The following IQCJ variants were observed in gnomAD, a reference collection of about 807,000 sequenced individuals.
The protein encoded by IQCJ is IQ motif containing J, also known as IQ domain-containing protein J.
In IQCJ, 9 loss-of-function variants were observed where a neutral mutation model predicts 11.0. That is an observed-to-expected ratio of 0.82 (90% CI 0.49 to 1.43). IQCJ has a LOEUF of 1.43. IQCJ is among the 40% of genes most tolerant of loss of function. IQCJ has a pLI of 0.00. For synonymous variants in IQCJ, 55 were observed against 51.3 expected (o/e 1.07, Z -0.31); for missense variants, 146 against 133.2 (o/e 1.10, Z -0.47).
chr3:159,232,943 T>G (rs142224649), intron 1 of IQCJ, among the ~76,000 whole-genome samples: 1 of 152,284 alleles, frequency 6.6e-6, no homozygotes, highest in East Asian at 1.9e-4. Context: ...CTGGGACAGA[T>G]AGGACTTAAC....
At chr3:159,159,579 T>C (rs1721718390) in intron 1 of IQCJ, among the ~76,000 whole-genome samples, 1 of 152,224 alleles carries the variant, frequency 6.6e-6, no homozygotes, top group African/African-American at 2.4e-5. Flanking sequence ...TCCATTCTTA[T>C]TAGCTTCCTT....
In IQCJ at chr3:159,240,668, G is replaced by A. The variant is rs570672076; in HGVS notation, c.10-5175G>A. 1.1e-3 allele frequency among the ~76,000 whole-genome samples: 163 copies of A among 152,130 alleles called. 1 individual carries two copies. The highest frequency in any genetic ancestry group is 5.9e-3 in the Admixed American group (90 of 15,276). On this transcript the variant is annotated intron_variant, in intron 1 of 3. Transcript: ENST00000397832. ...ACAACATACATAAAAAGTAATTCAC[G>A]GCCAGGCACTGTGGCTCACACCTGT...
intron 1 of IQCJ, among the ~76,000 whole-genome samples, chr3:159,133,484 G>A (rs1432759563): frequency 6.6e-6 from 1 of 152,154 alleles, no homozygotes; most frequent in African/African-American, 2.4e-5. Flanking sequence ...AGGCAAAATT[G>A]TAAATAAAAA....
intron 1 of IQCJ, among the ~76,000 whole-genome samples, chr3:159,180,009 G>A (rs1338124314): frequency 2.0e-5 from 3 of 152,186 alleles, no homozygotes; most frequent in Non-Finnish European, 2.9e-5. Flanking sequence ...GTGAGCATAT[G>A]TGCTTTTAGA....
At chr3:159,103,406 T>C (rs79669984) in intron 1 of IQCJ, among the ~76,000 whole-genome samples, 2,468 of 152,290 alleles carry the variant, frequency 0.016, 80 homozygotes, top group African/African-American at 0.056. Context: ...TCCTGAGATA[T>C]GTCATACTCC....
At chr3:159,152,743 A>G (rs1337112746) in intron 1 of IQCJ, among the ~76,000 whole-genome samples, 1 of 152,234 alleles carries the variant, frequency 6.6e-6, no homozygotes, top group Admixed American at 6.5e-5. Flanking sequence ...ACATTCTAGT[A>G]AGGGAGAGAG....
chr3:159,087,776 A>AT (rs1232220286), intron 1 of IQCJ, among the ~76,000 whole-genome samples: 2 of 151,268 alleles, frequency 1.3e-5, no homozygotes, highest in Admixed American at 6.6e-5. Context: ...CCCCTTTATC[A>AT]TTTTTTATTG....
intron 1 of IQCJ, among the ~76,000 whole-genome samples, chr3:159,107,128 G>A (rs1718313749): frequency 6.6e-6 from 1 of 151,960 alleles, no homozygotes; most frequent in African/African-American, 2.4e-5. Context: ...TACCTGCTGT[G>A]GTTTAAATTT....
chr3:159,243,062 G>A (rs990177654), intron 1 of IQCJ, among the ~76,000 whole-genome samples: 3 of 152,070 alleles, frequency 2.0e-5, no homozygotes, highest in Non-Finnish European at 4.4e-5. Context: ...CACAAATCCA[G>A]GAGAATAACT....
chr3:159,159,790 A>C (rs919989449), intron 1 of IQCJ, among the ~76,000 whole-genome samples: 1 of 151,956 alleles, frequency 6.6e-6, no homozygotes, highest in African/African-American at 2.4e-5. Context: ...GTTATGAGTG[A>C]GTGAGCCCAC....
intron 1 of IQCJ, among the ~76,000 whole-genome samples, chr3:159,234,626 T>C (rs548672610): frequency 6.6e-6 from 1 of 152,262 alleles, no homozygotes; most frequent in African/African-American, 2.4e-5. Context: ...TAACCCTGTC[T>C]CTACAATAAT....
intron 1 of IQCJ, among the ~76,000 whole-genome samples, chr3:159,083,514 A>G (rs1231928828): frequency 6.6e-6 from 1 of 152,182 alleles, no homozygotes; most frequent in East Asian, 1.9e-4. Flanking sequence ...ACTGGTGAGA[A>G]TATAATGTGG....
At chr3:159,224,657 C>T (rs1415300480) in intron 1 of IQCJ, among the ~76,000 whole-genome samples, 1 of 152,160 alleles carries the variant, frequency 6.6e-6, no homozygotes, top group Non-Finnish European at 1.5e-5. Flanking sequence ...ACACTACCAC[C>T]TAATGCCTCT....
intron 2 of IQCJ, among the ~76,000 whole-genome samples, chr3:159,250,381 A>C (rs776094871): frequency 1.3e-5 from 2 of 152,198 alleles, no homozygotes; most frequent in Non-Finnish European, 2.9e-5. Context: ...TTAATAAGTA[A>C]CAAGAGTCTT....
chr3:159,159,704 G>A (rs1431393655), intron 1 of IQCJ, among the ~76,000 whole-genome samples: 2 of 152,130 alleles, frequency 1.3e-5, no homozygotes, highest in Non-Finnish European at 2.9e-5. Context: ...GACCTCTAAT[G>A]TTGGCCATGA....
rs189821842 is a variant in IQCJ at position 159,222,254 on chromosome 3, T to C, written c.10-23589T>C. Reference sequence around the variant, plus strand: ...AGATACAGAAACAAGTGTCTGTCAATGGATGAATGGATAAAGAAATTGTGT... The same window carrying C: ...AGATACAGAAACAAGTGTCTGTCAACGGATGAATGGATAAAGAAATTGTGT... On this transcript the variant is annotated intron_variant, in intron 1 of 3. Coordinates refer to ENST00000397832, the MANE Select transcript of IQCJ (RefSeq NM_001042706.3). 4.3e-4 allele frequency among the ~76,000 whole-genome samples: 65 copies of C among 152,264 alleles called. 1 individual carries two copies. Among genetic ancestry groups the C allele is most frequent in the African/African-American group, 1.5e-3 (61 of 41,556 alleles).
intron 1 of IQCJ, among the ~76,000 whole-genome samples, chr3:159,194,792 TC>T (rs1222778942): frequency 1.3e-5 from 2 of 152,164 alleles, no homozygotes. Flanking sequence ...ATTATTACCA[TC>T]CCCCAAAGTC....
At chr3:159,152,053 T>C (rs962603499) in intron 1 of IQCJ, among the ~76,000 whole-genome samples, 1 of 152,150 alleles carries the variant, frequency 6.6e-6, no homozygotes, top group Non-Finnish European at 1.5e-5. Context: ...CCATGCTCGA[T>C]TTGGTGAATT....
chr3:159,167,370 AACTTTCT>A (rs1722231087), intron 1 of IQCJ, among the ~76,000 whole-genome samples: 1 of 152,200 alleles, frequency 6.6e-6, no homozygotes, highest in Admixed American at 6.5e-5. Context: ...TGGAACCGAG[AACTTTCT>A]ACTTTCAGTT....
Sources: allele counts gnomAD v4.1 joint callset (sites outside exome capture counted in the v4.1 genomes callset), GRCh38; gene constraint gnomAD v4.1.1; transcripts MANE v1.5; gene names NCBI Gene and HGNC (gene_info 2026-07-23, HGNC 2026-07-21).